TF: variants seen among roughly 807,000 people sequenced by gnomAD.
The protein encoded by TF is transferrin.
TF carries 55 observed loss-of-function variants against 82.4 expected under a neutral mutation model. That is an observed-to-expected ratio of 0.67 (90% CI 0.54 to 0.84). TF has a LOEUF of 0.84. Ranked by LOEUF, TF falls within the 40% of genes least tolerant of loss-of-function variation. The probability of loss-of-function intolerance (pLI) is 0.00; values close to 1 mark genes in which losing one functional copy is unlikely to be tolerated. For synonymous variants in TF, 332 were observed against 332.6 expected (o/e 1.00, Z 0.02); for missense variants, 737 against 868.4 (o/e 0.85, Z 1.90).
At chr3:133,692,486 C>T in the TF span, among the ~76,000 whole-genome samples, 1 of 152,158 alleles carries the variant, frequency 6.6e-6, no homozygotes, top group Non-Finnish European at 1.5e-5. Context: ...TGCTGAAGCG[C>T]TCCCTAAGTG....
intron 14 of TF, among the ~76,000 whole-genome samples, chr3:133,771,598 G>A (rs1033292899): frequency 4.0e-5 from 6 of 151,626 alleles, no homozygotes; most frequent in Non-Finnish European, 7.4e-5. Flanking sequence ...TTAGCCGGGC[G>A]CGGTGGTGGG....
intron 1 of TF, among the ~76,000 whole-genome samples, chr3:133,746,924 T>C (rs557890076): frequency 6.6e-6 from 1 of 152,124 alleles, no homozygotes; most frequent in Admixed American, 6.5e-5. Context: ...GGTCAGAGCA[T>C]GGGGTTTGAA....
the TF span, among the ~76,000 whole-genome samples, chr3:133,676,822 C>G: frequency 6.6e-6 from 1 of 152,230 alleles, no homozygotes; most frequent in Non-Finnish European, 1.5e-5. Flanking sequence ...CTGGCAATGT[C>G]AGGCTCTGAC....
chr3:133,761,266 G>T, intron 9 of TF: 1 of 204,242 alleles, frequency 4.9e-6, no homozygotes. Flanking sequence ...ATATTTACCT[G>T]TGGCCCATGT....
At chr3:133,673,377 TG>T in the TF span, among the ~76,000 whole-genome samples, 1 of 152,160 alleles carries the variant, frequency 6.6e-6, no homozygotes, top group Non-Finnish European at 1.5e-5. Flanking sequence ...GAAAACCAAT[TG>T]TTTTTTTCAG....
intron 14 of TF, among the ~76,000 whole-genome samples, chr3:133,771,480 G>C (rs1049759822): frequency 6.6e-6 from 1 of 152,140 alleles, no homozygotes; most frequent in African/African-American, 2.4e-5. Flanking sequence ...GCTCACGCCT[G>C]TAATCCCAGA....
At chr3:133,753,549 C>T in intron 2 of TF, 46 bp from the exon 3 acceptor site, 2 of 1,567,138 alleles carry the variant, frequency 1.3e-6, no homozygotes, top group Non-Finnish European at 1.8e-6. Context: ...GGTGGGCCTT[C>T]CTTGGAAGTC....
the TF span, among the ~76,000 whole-genome samples, chr3:133,714,579 A>G: frequency 6.6e-6 from 1 of 152,204 alleles, no homozygotes; most frequent in South Asian, 2.1e-4. Flanking sequence ...CTAGAACCAC[A>G]ACTTCTTCCA....
chr3:133,765,518 C>G (rs1183354968), intron 11 of TF, among the ~76,000 whole-genome samples: 1 of 152,144 alleles, frequency 6.6e-6, no homozygotes, highest in Non-Finnish European at 1.5e-5. Context: ...ATGCTCAGGC[C>G]CCTGCAGGTC....
chr3:133,737,550 T>C, the TF span, among the ~76,000 whole-genome samples: 6 of 150,630 alleles, frequency 4.0e-5, no homozygotes, highest in South Asian at 2.1e-4. Flanking sequence ...TTTGAAAAGA[T>C]TAACAAAATG....
Position 133,788,421 on chromosome 3 carries a change from C to T in TF, c.*9801C>T, listed in dbSNP as rs1186911004. 6.6e-6 allele frequency: 1 copy of T among 152,232 alleles called. No homozygotes were observed. The highest frequency in any genetic ancestry group is 1.5e-5 in the Non-Finnish European group (1 of 68,050). The allele number at this position is 152,232 out of a possible 1,614,324, so 9.4% of individuals were successfully genotyped here. On this transcript the variant is annotated 3_prime_UTR_variant, in exon 17 of 17. Transcript: ENST00000402696. ...GGCTCTTGAGCCCCTAAGCACAGGCCTTCTCCCACCCTGTGGAGCGTACTT... is the reference window on the plus strand; with the variant it reads ...GGCTCTTGAGCCCCTAAGCACAGGCTTTCTCCCACCCTGTGGAGCGTACTT...
At chr3:133,692,693 T>C in the TF span, 10 of 151,786 alleles carry the variant, frequency 6.6e-5, no homozygotes, top group African/African-American at 2.4e-4. Context: ...ATCCCCAGAG[T>C]TCTGCATGGT....
At chr3:133,685,134 C>T in the TF span, among the ~76,000 whole-genome samples, 1 of 152,236 alleles carries the variant, frequency 6.6e-6, no homozygotes, top group South Asian at 2.1e-4. Context: ...GCAGAAAAGG[C>T]CTTTGACAAA....
rs1934873478 is a variant in TF at position 133,792,810 on chromosome 3, A to G, written c.*14190A>G. 1 of 152,192 alleles carries G rather than the reference A, an allele frequency of 6.6e-6. No homozygotes were observed. Among genetic ancestry groups the G allele is most frequent in the African/African-American group, 2.4e-5 (1 of 41,446 alleles). 9.4% of individuals were successfully genotyped at this position (152,192 alleles called of 1,614,324 possible). A position where few individuals can be genotyped will look rare whatever the true frequency, so the allele number is the denominator to read the frequency against. On this transcript the variant is annotated 3_prime_UTR_variant, in exon 17 of 17. Transcript: ENST00000402696. ...AGTTGTGGAAGATTTATAAAAATTA[A>G]TATTGTAAAAAATTATGTGTGTGAA...
At chr3:133,699,581 TGGCAAGGA>T in the TF span, 1 of 619,100 alleles carries the variant, frequency 1.6e-6, no homozygotes, top group African/African-American at 1.9e-5. Flanking sequence ...GAAGTGTGGG[TGGCAAGGA>T]GGACTTGATC....
At chr3:133,708,919 C>T in the TF span, among the ~76,000 whole-genome samples, 1 of 151,944 alleles carries the variant, frequency 6.6e-6, no homozygotes, top group East Asian at 1.9e-4. Context: ...GGATTTAATA[C>T]AGGGAATTAA....
the TF span, among the ~76,000 whole-genome samples, chr3:133,729,580 G>A: frequency 6.6e-6 from 1 of 152,216 alleles, no homozygotes; most frequent in Non-Finnish European, 1.5e-5. Flanking sequence ...CCTTGACCAG[G>A]AAAGAGAACT....
At chr3:133,754,694 G>T in intron 4 of TF, 23 bp downstream of exon 4, 1 of 1,613,782 alleles carries the variant, frequency 6.2e-7, no homozygotes, top group Non-Finnish European at 8.5e-7. Context: ...GAGTCTGGGT[G>T]CCCTCGAGCA....
the TF span, among the ~76,000 whole-genome samples, chr3:133,668,924 C>A: frequency 6.6e-6 from 1 of 152,202 alleles, no homozygotes; most frequent in African/African-American, 2.4e-5. Flanking sequence ...GGAATTAAGT[C>A]CCAGTGTCCA....
Sources: gnomAD v4.1 joint callset for allele counts (sites outside exome capture counted in the v4.1 genomes callset) on GRCh38, gnomAD v4.1.1 for gene constraint, MANE v1.5 for transcripts, NCBI Gene and HGNC (gene_info 2026-07-23, HGNC 2026-07-21) for gene names.